PRKN: variants seen among roughly 807,000 people sequenced by gnomAD.
PRKN encodes the protein E3 ubiquitin-protein ligase parkin.
A neutral mutation model predicts 59.5 loss-of-function variants in PRKN; 56 were observed. That is an observed-to-expected ratio of 0.94 (90% CI 0.76 to 1.18). PRKN has a LOEUF of 1.18. Among genes scored for constraint, PRKN ranks in the 50% most tolerant of loss-of-function variants. PRKN has a pLI of 0.00. For synonymous variants in PRKN, 250 were observed against 222.1 expected (o/e 1.13, Z -1.12); for missense variants, 657 against 596.4 (o/e 1.10, Z -1.06).
chr6:161,762,734 C>T (rs921624544), intron 7 of PRKN, among the ~76,000 whole-genome samples: 1 of 152,184 alleles, frequency 6.6e-6, no homozygotes, highest in Non-Finnish European at 1.5e-5. Flanking sequence ...AAATTCTACA[C>T]ATAATAAGTT....
chr6:162,384,616 T>C (rs7746467), intron 2 of PRKN, among the ~76,000 whole-genome samples: 61,789 of 147,314 alleles, frequency 0.42, 13,648 homozygotes, highest in East Asian at 0.71. Flanking sequence ...TAGACTTGCT[T>C]GATACAGGGT....
At chr6:162,712,013 T>C (rs1778556752) in intron 1 of PRKN, among the ~76,000 whole-genome samples, 1 of 152,190 alleles carries the variant, frequency 6.6e-6, no homozygotes, top group Non-Finnish European at 1.5e-5. Flanking sequence ...GTTGGCTTCA[T>C]CCTGCTGCTT....
intron 9 of PRKN, among the ~76,000 whole-genome samples, chr6:161,434,714 T>C (rs1788803060): frequency 1.3e-5 from 2 of 152,222 alleles, no homozygotes; most frequent in African/African-American, 2.4e-5. Context: ...TTCAGGATTA[T>C]AGCTGAAGCA....
chr6:162,199,008 A>G (rs576543842), intron 4 of PRKN, among the ~76,000 whole-genome samples: 1 of 152,300 alleles, frequency 6.6e-6, no homozygotes, highest in South Asian at 2.1e-4. Context: ...CTTTTGATTA[A>G]AAAGAAAACA....
intron 9 of PRKN, among the ~76,000 whole-genome samples, chr6:161,450,261 A>G (rs1049740673): frequency 2.0e-5 from 3 of 152,210 alleles, no homozygotes; most frequent in Admixed American, 6.5e-5. Flanking sequence ...ATCCAGAGGC[A>G]TGCAGGACCC....
chr6:161,434,902 C>T (rs990039498), intron 9 of PRKN, among the ~76,000 whole-genome samples: 7 of 152,082 alleles, frequency 4.6e-5, no homozygotes, highest in Admixed American at 1.3e-4. Context: ...CCAAGGGTAA[C>T]GTAGCATGTG....
intron 7 of PRKN, among the ~76,000 whole-genome samples, chr6:161,606,329 T>C (rs1782281675): frequency 6.6e-6 from 1 of 152,066 alleles, no homozygotes; most frequent in Non-Finnish European, 1.5e-5. Flanking sequence ...GTAGGTAGCA[T>C]TGAGAGGAGT....
At chr6:162,292,918 C>G (rs1781508995) in intron 2 of PRKN, among the ~76,000 whole-genome samples, 2 of 152,102 alleles carry the variant, frequency 1.3e-5, no homozygotes, top group Admixed American at 1.3e-4. Flanking sequence ...AGGTATGGCC[C>G]CACAGAGTGT....
At chr6:162,004,060 A>C (rs985691156) in intron 5 of PRKN, among the ~76,000 whole-genome samples, 16 of 152,162 alleles carry the variant, frequency 1.1e-4, no homozygotes, top group Non-Finnish European at 2.9e-5. Context: ...TTTGGTTTGG[A>C]TCTGTATCCC....
At chr6:162,071,691 G>A (rs1778582232) in intron 4 of PRKN, among the ~76,000 whole-genome samples, 1 of 151,928 alleles carries the variant, frequency 6.6e-6, no homozygotes, top group Non-Finnish European at 1.5e-5. Flanking sequence ...CTGCCTGCCG[G>A]GTTCAAGTGA....
chr6:162,691,501 C>T (rs143355566), intron 1 of PRKN, among the ~76,000 whole-genome samples: 1 of 152,112 alleles, frequency 6.6e-6, no homozygotes, highest in East Asian at 1.9e-4. Flanking sequence ...TTTATATGTA[C>T]CTCCCATTCT....
intron 6 of PRKN, among the ~76,000 whole-genome samples, chr6:161,911,102 T>C (rs1378882626): frequency 6.6e-6 from 1 of 152,122 alleles, no homozygotes; most frequent in African/African-American, 2.4e-5. Context: ...AAATAGAAAA[T>C]GGACTTTCTT....
At chr6:161,350,955 T>A (rs1176654531) in intron 11 of PRKN, among the ~76,000 whole-genome samples, 8 of 71,562 alleles carry the variant, frequency 1.1e-4, no homozygotes, top group African/African-American at 4.6e-4. Flanking sequence ...TTTATATATT[T>A]ATATTTAAAA....
In PRKN at chr6:161,968,187, ATTTTTTTTT is replaced by A. The variant is rs530441181; in HGVS notation, c.734+5106_734+5114del. Among the ~76,000 whole-genome samples the A allele has an allele frequency of 7.0e-5, 9 of 127,984 alleles. 1 individual carries two copies. Among genetic ancestry groups the A allele is most frequent in the Admixed American group, 3.2e-4 (4 of 12,458 alleles). 84.0% of individuals were successfully genotyped at this position (127,984 alleles called of 152,430 possible). A position where few individuals can be genotyped will look rare whatever the true frequency, so the allele number is the denominator to read the frequency against. ...AGGCGCGCGCCACCATGCCTGGCTA[ATTTTTTTTT>A]TTTTTTTTTTTTTGTATTATTAGTA... On this transcript the variant is annotated intron_variant, in intron 6 of 11. Transcript: ENST00000366898.
In PRKN at chr6:161,570,125, A is replaced by T. The variant is rs11965864; in HGVS notation, c.872-709T>A. On this transcript the variant is annotated intron_variant, in intron 7 of 11. Transcript: ENST00000366898. ...TGTAAAACAAAGTAAGTAAATAGGTAAAAAAAAAAAAAAAAAAAAAAATAT... is the reference window on the plus strand; with the variant it reads ...TGTAAAACAAAGTAAGTAAATAGGTTAAAAAAAAAAAAAAAAAAAAAATAT... Among the ~76,000 whole-genome samples, 318 of 57,106 alleles carry T rather than the reference A, an allele frequency of 5.6e-3. 2 individuals are homozygous for T. The highest frequency in any genetic ancestry group is 0.023 in the East Asian group (81 of 3,500). 37.5% of individuals were successfully genotyped at this position (57,106 alleles called of 152,430 possible).
At chr6:162,700,648 T>C (rs996654102) in intron 1 of PRKN, among the ~76,000 whole-genome samples, 1 of 152,116 alleles carries the variant, frequency 6.6e-6, no homozygotes, top group African/African-American at 2.4e-5. Context: ...TTAACATCTT[T>C]CTTTCTTGTT....
At position 162,648,413 on chromosome 6, in the gene PRKN, G is replaced by A. The variant is rs1477248046; in HGVS notation, c.7+79249C>T. On this transcript the variant is annotated intron_variant, in intron 1 of 11. Transcript: ENST00000366898. ...TTTTATTTTTTTAAGATGGAGTCTT[G>A]CTCTGTTTCCCAAGCTGGAGTGCAG... Among the ~76,000 whole-genome samples, 3 of 138,874 alleles carry A rather than the reference G, an allele frequency of 2.2e-5. No individual in the cohort carries two copies. In the South Asian group the frequency reaches 6.6e-4, roughly 31 times the overall value. The allele number at this position is 138,874 out of a possible 152,430, so 91.1% of individuals were successfully genotyped here.
chr6:161,940,509 A>T (rs1779522691), intron 6 of PRKN, among the ~76,000 whole-genome samples: 1 of 152,134 alleles, frequency 6.6e-6, no homozygotes, highest in African/African-American at 2.4e-5. Flanking sequence ...CAGAGAGAAA[A>T]TTTGCATTTA....
chr6:162,185,732 G>T (rs1413277098), intron 4 of PRKN, among the ~76,000 whole-genome samples: 1 of 152,126 alleles, frequency 6.6e-6, no homozygotes, highest in Non-Finnish European at 1.5e-5. Flanking sequence ...TTTACCAAAG[G>T]ATGTGTCAGC....
Sources: gnomAD v4.1 joint callset for allele counts (sites outside exome capture counted in the v4.1 genomes callset) on GRCh38, gnomAD v4.1.1 for gene constraint, MANE v1.5 for transcripts, NCBI Gene and HGNC (gene_info 2026-07-23, HGNC 2026-07-21) for gene names.